Variants in GRAMD4 observed in about 807,000 individuals in gnomAD.
GRAMD4 encodes GRAM domain containing 4, also known as GRAM domain-containing protein 4.
Under a neutral mutation model 83.9 loss-of-function variants are expected in GRAMD4, and 25 were observed. That is an observed-to-expected ratio of 0.30 (90% CI 0.22 to 0.42). The LOEUF (loss-of-function observed/expected upper bound fraction) is 0.42, where lower values mean the gene tolerates loss of function less well. Among genes scored for constraint, GRAMD4 ranks in the 10% least tolerant of loss-of-function variants. The pLI is 1.00. For missense variants in GRAMD4, 593 were observed against 788.7 expected (o/e 0.75, Z 2.97); for synonymous variants, 336 against 320.9 (o/e 1.05, Z -0.50).
intron 3 of GRAMD4, among the ~76,000 whole-genome samples, chr22:46,640,823 C>CAA: frequency 7.0e-6 from 1 of 142,298 alleles, no homozygotes; most frequent in Middle Eastern, 3.5e-3. Context: ...CCTGCCCCGG[C>CAA]CCCCCGCCCC....
chr22:46,589,676 C>T (rs567486094), intron 1 of GRAMD4, among the ~76,000 whole-genome samples: 7 of 152,224 alleles, frequency 4.6e-5, no homozygotes, highest in South Asian at 2.1e-4. Context: ...CCCCCAGTCC[C>T]GCTCTGTTTG....
At chr22:46,630,679 C>T (rs1387022415) in intron 2 of GRAMD4, among the ~76,000 whole-genome samples, 7 of 152,242 alleles carry the variant, frequency 4.6e-5, no homozygotes, top group Non-Finnish European at 7.3e-5. Context: ...CTCAGGATCT[C>T]ACCCTGGGAT....
intron 3 of GRAMD4, among the ~76,000 whole-genome samples, chr22:46,639,677 T>C (rs1191050587): frequency 1.3e-5 from 2 of 152,172 alleles, no homozygotes; most frequent in East Asian, 3.8e-4. Context: ...TTACCGTGTG[T>C]GTGTGTGCAT....
rs369019292 is a variant in GRAMD4, at chr22:46,611,005, A to G, written c.-49-15746A>G. ...AGAGGCTGGGGGATCAAGTGAGGTCAGCAGTTCGAGACCAGCCTGGCCAAC... is the reference window on the plus strand; with the variant it reads ...AGAGGCTGGGGGATCAAGTGAGGTCGGCAGTTCGAGACCAGCCTGGCCAAC... On this transcript the variant is annotated intron_variant, in intron 1 of 1. Transcript: ENST00000431155. Among the ~76,000 whole-genome samples the G allele has an allele frequency of 3.9e-5, 6 of 152,012 alleles. No homozygotes were observed. In the East Asian group the frequency reaches 9.7e-4, roughly 25 times the overall value.
At chr22:46,680,799 C>T (rs540337565), downstream of GRAMD4, among the ~76,000 whole-genome samples, 632 of 93,812 alleles carry the variant, frequency 6.7e-3, 4 homozygotes, top group African/African-American at 0.014. Context: ...CCTATCCATT[C>T]ACCTACCCAT....
At chr22:46,613,852 C>CTG in intron 1 of GRAMD4, among the ~76,000 whole-genome samples, 2 of 34,882 alleles carry the variant, frequency 5.7e-5, no homozygotes, top group African/African-American at 1.6e-4. Context: ...CTCTCAGGAA[C>CTG]TCTTTTGCAT....
intron 3 of GRAMD4, among the ~76,000 whole-genome samples, chr22:46,644,624 C>CCCT (rs1306954253): frequency 2.0e-5 from 3 of 151,778 alleles, no homozygotes; most frequent in Non-Finnish European, 4.4e-5. Context: ...TTACACCTGT[C>CCCT]CCTGTTCTGG....
chr22:46,673,120 C>T (rs567554916), intron 14 of GRAMD4, 123 bp downstream of exon 14: 4 of 795,998 alleles, frequency 5.0e-6, no homozygotes, highest in Non-Finnish European at 3.8e-6. Context: ...ATTTTATAGA[C>T]TCCTTAAACT....
chr22:46,588,604 C>T (rs943899567), intron 1 of GRAMD4, among the ~76,000 whole-genome samples: 15 of 152,342 alleles, frequency 9.8e-5, no homozygotes, highest in Admixed American at 5.9e-4. Flanking sequence ...GGAGAATGAG[C>T]GATCTGAAGA....
In GRAMD4 at chr22:46,626,928, C is replaced by T. The variant is rs748859734; in HGVS notation, c.129C>T (p.Thr43=). 14 of 1,614,024 alleles carry T rather than the reference C, an allele frequency of 8.7e-6. No homozygotes were observed. The highest frequency in any genetic ancestry group is 1.6e-4 in the Middle Eastern group (1 of 6,082). ...AAATCCCCCTGAAGGTACCGCGGACCTCGCCCCGGGACAGCGAGGAGCTGA... is the reference window on the plus strand; with the variant it reads ...AAATCCCCCTGAAGGTACCGCGGACTTCGCCCCGGGACAGCGAGGAGCTGA... ...SDEIPLKVPR[T]SPRDSEELRD... The change falls in exon 2 of 19, where the codon ACC becomes ACT. Residue 43 remains threonine (T), a synonymous_variant. Transcript: ENST00000406902.
At chr22:46,674,849 T>G (rs879800924) in intron 16 of GRAMD4, 99 bp downstream of exon 16, 1 of 861,862 alleles carries the variant, frequency 1.2e-6, no homozygotes, top group South Asian at 1.3e-5. Flanking sequence ...CAGGTTTTCC[T>G]GAGTGGTGGC....
intron 1 of GRAMD4, among the ~76,000 whole-genome samples, chr22:46,604,084 A>G (rs1218534896): frequency 2.6e-5 from 4 of 152,050 alleles, no homozygotes; most frequent in Non-Finnish European, 4.4e-5. Context: ...TCTGATCACA[A>G]TTGGGTCTGA....
chr22:46,581,908 T>C (rs910056130), intron 1 of GRAMD4, among the ~76,000 whole-genome samples: 1 of 152,222 alleles, frequency 6.6e-6, no homozygotes, highest in Non-Finnish European at 1.5e-5. Flanking sequence ...ACGAAGGCCT[T>C]GGCCTAGGGT....
intron 1 of GRAMD4, among the ~76,000 whole-genome samples, chr22:46,601,928 T>A (rs1452055142): frequency 6.6e-6 from 1 of 152,234 alleles, no homozygotes; most frequent in Non-Finnish European, 1.5e-5. Context: ...GAGGTCTCCA[T>A]TGGTCCTGCT....
intron 1 of GRAMD4, among the ~76,000 whole-genome samples, chr22:46,578,408 G>A (rs117602355): frequency 0.014 from 2,178 of 152,274 alleles, 28 homozygotes; most frequent in Middle Eastern, 0.024. Flanking sequence ...CCTTGGGCAA[G>A]GTAGTGAGCC....
At chr22:46,616,822 G>A (rs1412689291), upstream of GRAMD4, among the ~76,000 whole-genome samples, 5 of 118,666 alleles carry the variant, frequency 4.2e-5, no homozygotes, top group Admixed American at 7.9e-5. Context: ...AGGTTCCCCT[G>A]TGTGTACGTT....
intron 1 of GRAMD4, among the ~76,000 whole-genome samples, chr22:46,603,566 G>C (rs1232626099): frequency 2.3e-5 from 3 of 128,152 alleles, no homozygotes; most frequent in Non-Finnish European, 4.8e-5. Flanking sequence ...ACCCAGGCTG[G>C]AGTGCAGTGG....
rs2081665392 is a variant in GRAMD4 at position 46,626,671 on chromosome 22, G to A, written c.-49-80G>A. The A allele has an allele frequency of 4.5e-5, 38 of 842,112 alleles. No individual in the cohort carries two copies. The South Asian group carries it at 5.6e-4, about 12-fold the overall frequency. The allele number at this position is 842,112 out of a possible 1,614,324, so 52.2% of individuals were successfully genotyped here. A position where few individuals can be genotyped will look rare whatever the true frequency, so the allele number is the denominator to read the frequency against. ...GGGGTTTTCTTTGGAAAGCTGGACCGGCTGTGCCCTGTGTGTGGGAGCTGG... is the reference window on the plus strand; with the variant it reads ...GGGGTTTTCTTTGGAAAGCTGGACCAGCTGTGCCCTGTGTGTGGGAGCTGG... On this transcript the variant is annotated intron_variant, in intron 1 of 18. Coordinates refer to ENST00000406902, the MANE Select transcript of GRAMD4 (RefSeq NM_015124.5).
chr22:46,656,675 C>T (rs1417826108), intron 3 of GRAMD4, among the ~76,000 whole-genome samples: 1 of 152,230 alleles, frequency 6.6e-6, no homozygotes, highest in African/African-American at 2.4e-5. Context: ...CTGGCCAGAC[C>T]CCCAAGGGTT....
Sources: gnomAD v4.1 joint callset for allele counts (sites outside exome capture counted in the v4.1 genomes callset) on GRCh38, gnomAD v4.1.1 for gene constraint, MANE v1.5 for transcripts, NCBI Gene and HGNC (gene_info 2026-07-23, HGNC 2026-07-21) for gene names.